The following SND1 variants were observed in gnomAD, a reference collection of about 807,000 sequenced individuals.
SND1 encodes the protein staphylococcal nuclease and tudor domain containing 1.
Under a neutral mutation model 121.7 loss-of-function variants are expected in SND1, and 38 were observed. The ratio of observed to expected loss-of-function variants is 0.31; its 90% confidence interval spans 0.24 to 0.41. SND1 has a LOEUF of 0.41. SND1 is among the 10% of genes least tolerant of loss of function. The probability of loss-of-function intolerance (pLI) is 1.00; values close to 1 mark genes in which losing one functional copy is unlikely to be tolerated. For missense variants in SND1, 868 were observed against 1,184.6 expected (o/e 0.73, Z 3.92); for synonymous variants, 401 against 447.4 (o/e 0.90, Z 1.31).
chr7:127,956,424 A>G (rs1246536328), intron 15 of SND1, among the ~76,000 whole-genome samples: 1 of 152,166 alleles, frequency 6.6e-6, no homozygotes, highest in Non-Finnish European at 1.5e-5. Flanking sequence ...GGAAAATCAG[A>G]TTAAATACTC....
chr7:127,855,587 A>T lies in SND1; in HGVS notation c.1343+11163A>T, dbSNP rs558607783. 3.3e-5 allele frequency among the ~76,000 whole-genome samples: 5 copies of T among 152,246 alleles called. No homozygotes were observed. The South Asian group carries it at 1.0e-3, about 32-fold the overall frequency. Reference sequence around the variant, plus strand: ...ACCTCATAAGGATATTGTGAGGATTATAGGTGATACTGCATTTTAAATGTT... The same window carrying T: ...ACCTCATAAGGATATTGTGAGGATTTTAGGTGATACTGCATTTTAAATGTT... On this transcript the variant is annotated intron_variant, in intron 12 of 23. Transcript: ENST00000354725.
intron 11 of SND1, among the ~76,000 whole-genome samples, chr7:127,827,506 T>C (rs2116617275): frequency 6.6e-6 from 1 of 152,330 alleles, no homozygotes; most frequent in Non-Finnish European, 1.5e-5. Flanking sequence ...GATTAATAAC[T>C]CTTGTATTGT....
At chr7:127,994,507 C>T (rs1041101458) in intron 16 of SND1, among the ~76,000 whole-genome samples, 2 of 126,052 alleles carry the variant, frequency 1.6e-5, no homozygotes, top group African/African-American at 6.3e-5. Context: ...GCCTTGAAGC[C>T]CAAAGCAGCC....
chr7:128,071,454 GAGA>G (rs1793408341), intron 16 of SND1, among the ~76,000 whole-genome samples: 1 of 152,156 alleles, frequency 6.6e-6, no homozygotes, highest in Non-Finnish European at 1.5e-5. Flanking sequence ...TTTTAATTAA[GAGA>G]AGATGTCAGA....
chr7:127,732,956 C>A (rs1287811478), intron 10 of SND1, among the ~76,000 whole-genome samples: 1 of 152,060 alleles, frequency 6.6e-6, no homozygotes, highest in Non-Finnish European at 1.5e-5. Flanking sequence ...TTTCAAAACT[C>A]CAGTTGTTTA....
At chr7:127,806,901 G>A (rs966168500) in intron 10 of SND1, among the ~76,000 whole-genome samples, 2 of 152,210 alleles carry the variant, frequency 1.3e-5, no homozygotes, top group African/African-American at 4.8e-5. Context: ...GGAGGTTGCA[G>A]TGAGCCAAGA....
chr7:127,727,790 G>T (rs76431702), intron 10 of SND1, among the ~76,000 whole-genome samples: 38 of 152,166 alleles, frequency 2.5e-4, no homozygotes, highest in African/African-American at 9.2e-4. Context: ...GTTTCATCTG[G>T]GCATTTTTGA....
At chr7:128,065,175 T>G (rs964234567) in intron 16 of SND1, among the ~76,000 whole-genome samples, 13 of 152,164 alleles carry the variant, frequency 8.5e-5, no homozygotes, top group Non-Finnish European at 1.8e-4. Flanking sequence ...CTGATGGAAA[T>G]GGGTACCTGA....
intron 15 of SND1, among the ~76,000 whole-genome samples, chr7:127,958,589 G>A (rs771040877): frequency 2.2e-4 from 34 of 152,174 alleles, no homozygotes; most frequent in Non-Finnish European, 5.0e-4. Flanking sequence ...TTGAGCTTCT[G>A]TGTGAAGGTA....
At chr7:128,013,884 TG>T (rs1418122667) in intron 16 of SND1, among the ~76,000 whole-genome samples, 6 of 152,238 alleles carry the variant, frequency 3.9e-5, no homozygotes, top group African/African-American at 1.4e-4. Context: ...AGGGACAGCC[TG>T]TAGCTGGTAA....
chr7:127,953,152 G>A (rs1007146779), intron 15 of SND1, among the ~76,000 whole-genome samples: 47 of 940 alleles, frequency 0.05, no homozygotes, highest in Admixed American at 0.071. Context: ...TGACAAGACC[G>A]TGTGTGTGTG....
chr7:127,828,615 C>T (rs758983065), intron 11 of SND1, among the ~76,000 whole-genome samples: 14 of 152,070 alleles, frequency 9.2e-5, no homozygotes, highest in Non-Finnish European at 2.1e-4. Context: ...GAAATTTTGG[C>T]TTTGTTCTTC....
intron 12 of SND1, among the ~76,000 whole-genome samples, chr7:127,853,915 G>C (rs922593216): frequency 6.6e-6 from 1 of 152,106 alleles, no homozygotes; most frequent in African/African-American, 2.4e-5. Flanking sequence ...TAATTACTCC[G>C]ATGATGACCC....
chr7:127,784,760 A>T (rs1273631957), intron 10 of SND1, among the ~76,000 whole-genome samples: 1 of 152,246 alleles, frequency 6.6e-6, no homozygotes, highest in Admixed American at 6.5e-5. Context: ...TGAGTGAAGC[A>T]GGAAAAATAT....
intron 10 of SND1, among the ~76,000 whole-genome samples, chr7:127,738,527 C>A (rs1796821316): frequency 6.6e-6 from 1 of 152,052 alleles, no homozygotes; most frequent in Non-Finnish European, 1.5e-5. Flanking sequence ...GATCCACCGG[C>A]CTCAGACTCC....
chr7:127,669,887 G>C (rs1395546241), intron 1 of SND1, among the ~76,000 whole-genome samples: 1 of 152,184 alleles, frequency 6.6e-6, no homozygotes, highest in African/African-American at 2.4e-5. Flanking sequence ...GCACCTTGCA[G>C]ATTAACATAG....
At chr7:127,755,800 G>A (rs1341016760) in intron 10 of SND1, among the ~76,000 whole-genome samples, 9 of 152,320 alleles carry the variant, frequency 5.9e-5, no homozygotes, top group Admixed American at 1.3e-4. Context: ...TTTGTACAAC[G>A]TGTAACACAA....
At chr7:127,661,091 G>A (rs1795301717) in intron 1 of SND1, among the ~76,000 whole-genome samples, 1 of 152,140 alleles carries the variant, frequency 6.6e-6, no homozygotes, top group African/African-American at 2.4e-5. Flanking sequence ...GTATGTGGGG[G>A]TGGGTGCACC....
chr7:127,721,021 C>A (rs1346621262), intron 9 of SND1, among the ~76,000 whole-genome samples: 1 of 152,116 alleles, frequency 6.6e-6, no homozygotes, highest in African/African-American at 2.4e-5. Flanking sequence ...AACCACAAAT[C>A]TTTGTCAGGG....
Sources: gnomAD v4.1 joint callset for allele counts (sites outside exome capture counted in the v4.1 genomes callset) on GRCh38, gnomAD v4.1.1 for gene constraint, MANE v1.5 for transcripts, NCBI Gene and HGNC (gene_info 2026-07-23, HGNC 2026-07-21) for gene names.